CEP112: variants seen among roughly 807,000 people sequenced by gnomAD.
CEP112 encodes centrosomal protein 112.
Under a neutral mutation model 153.0 loss-of-function variants are expected in CEP112, and 127 were observed. The ratio of observed to expected loss-of-function variants is 0.83; its 90% confidence interval spans 0.72 to 0.96. The LOEUF is 0.96. Ranked by LOEUF, CEP112 falls within the 40% of genes least tolerant of loss-of-function variation. The probability of loss-of-function intolerance (pLI) is 0.00; values close to 1 mark genes in which losing one functional copy is unlikely to be tolerated. For synonymous variants in CEP112, 358 were observed against 374.4 expected (o/e 0.96, Z 0.51); for missense variants, 1,089 against 1,101.2 (o/e 0.99, Z 0.16).
At chr17:65,915,313 T>C (rs1332913557) in intron 19 of CEP112, among the ~76,000 whole-genome samples, 1 of 152,176 alleles carries the variant, frequency 6.6e-6, no homozygotes, top group Non-Finnish European at 1.5e-5. Flanking sequence ...TGACAAGTCC[T>C]GCCTGCAAAA....
chr17:66,146,760 G>A (rs373914035), intron 4 of CEP112, among the ~76,000 whole-genome samples: 1 of 151,992 alleles, frequency 6.6e-6, no homozygotes, highest in Non-Finnish European at 1.5e-5. Context: ...TAAGTTAAAC[G>A]GTATCTGTCT....
rs553857639 is a variant in CEP112 at position 65,875,826 on chromosome 17, G to T, written c.2164-23792C>A. On this transcript the variant is annotated intron_variant, in intron 20 of 26. Coordinates refer to ENST00000535342, the MANE Select transcript of CEP112 (RefSeq NM_001199165.4). ...TTAAAGTTGGAAACATTTATGTTGT[G>T]TCTGTAACCATGAGTATATTTTCTA... Among the ~76,000 whole-genome samples, 15 of 152,158 alleles carry T rather than the reference G, an allele frequency of 9.9e-5. No homozygotes were observed. In the South Asian group the frequency reaches 3.1e-3, roughly 32 times the overall value.
At chr17:66,132,894 C>T (rs78069175) in intron 4 of CEP112, 131 bp from the exon 5 acceptor site, 7,627 of 685,694 alleles carry the variant, frequency 0.011, 67 homozygotes, top group Non-Finnish European at 0.014. Flanking sequence ...GTTCCATAGC[C>T]GGGCGTGGTG....
intron 6 of CEP112, among the ~76,000 whole-genome samples, chr17:66,098,458 A>C (rs1222150748): frequency 6.6e-6 from 1 of 152,258 alleles, no homozygotes; most frequent in Non-Finnish European, 1.5e-5. Context: ...TATTACGGTT[A>C]ATAACTCTTG....
chr17:66,105,862 A>G (rs2068762068), intron 6 of CEP112, among the ~76,000 whole-genome samples: 1 of 152,196 alleles, frequency 6.6e-6, no homozygotes, highest in South Asian at 2.1e-4. Context: ...TCTCATCCAC[A>G]TATGGATTAT....
chr17:65,991,697 C>G (rs2063601187), intron 17 of CEP112, among the ~76,000 whole-genome samples: 1 of 152,070 alleles, frequency 6.6e-6, no homozygotes, highest in African/African-American at 2.4e-5. Flanking sequence ...GTTTACTATT[C>G]AAGTTTGCAG....
At chr17:65,687,359 G>T (rs142411525) in intron 24 of CEP112, among the ~76,000 whole-genome samples, 1,593 of 151,740 alleles carry the variant, frequency 0.01, 12 homozygotes, top group Middle Eastern at 0.079. Flanking sequence ...GAGAGACAGG[G>T]TTTCACCATG....
intron 4 of CEP112, among the ~76,000 whole-genome samples, chr17:66,170,574 G>T (rs1266968939): frequency 2.0e-5 from 3 of 152,058 alleles, no homozygotes; most frequent in Admixed American, 6.6e-5. Context: ...AGACCAGCCT[G>T]GCCAACATGG....
At chr17:66,065,970 A>T (rs1311791058) in intron 10 of CEP112, among the ~76,000 whole-genome samples, 1 of 152,172 alleles carries the variant, frequency 6.6e-6, no homozygotes, top group Non-Finnish European at 1.5e-5. Flanking sequence ...ATTCTAGCTA[A>T]ATAGTTGAGA....
chr17:65,764,608 T>C (rs1309910183), intron 21 of CEP112, among the ~76,000 whole-genome samples: 1 of 152,050 alleles, frequency 6.6e-6, no homozygotes, highest in African/African-American at 2.4e-5. Context: ...TTTTTTACCA[T>C]TTGTGTGCAA....
chr17:66,068,825 AATAG>A (rs2067211646), intron 9 of CEP112, among the ~76,000 whole-genome samples: 1 of 152,110 alleles, frequency 6.6e-6, no homozygotes, highest in Admixed American at 6.6e-5. Context: ...CTTATACATC[AATAG>A]ACTCTATTTC....
intron 21 of CEP112, 73 bp downstream of exon 21, chr17:65,851,731 A>C (rs2057938175): frequency 9.5e-7 from 1 of 1,054,256 alleles, no homozygotes; most frequent in African/African-American, 1.6e-5. Flanking sequence ...TGGAGATTAA[A>C]TATAAGGGTG....
chr17:65,875,683 A>G (rs545858067), intron 20 of CEP112, among the ~76,000 whole-genome samples: 1 of 152,136 alleles, frequency 6.6e-6, no homozygotes, highest in Non-Finnish European at 1.5e-5. Flanking sequence ...ATTATGTAGC[A>G]TCTTTTAATT....
intron 21 of CEP112, among the ~76,000 whole-genome samples, chr17:65,825,948 T>G (rs763943305): frequency 2.6e-5 from 4 of 152,182 alleles, no homozygotes; most frequent in Non-Finnish European, 4.4e-5. Flanking sequence ...TCCCAGGGCA[T>G]GCAGTCCAGC....
chr17:65,709,933 C>A (rs966161126), intron 23 of CEP112, among the ~76,000 whole-genome samples: 2 of 152,170 alleles, frequency 1.3e-5, no homozygotes, highest in African/African-American at 4.8e-5. Context: ...AGTAGTTCTG[C>A]TCTATCTACA....
chr17:66,024,950 G>A lies in CEP112; in HGVS notation c.1656+2551C>T, dbSNP rs1245490743. 6.6e-5 allele frequency among the ~76,000 whole-genome samples: 10 copies of A among 151,598 alleles called. 1 individual carries two copies. Among genetic ancestry groups the A allele is most frequent in the Non-Finnish European group, 1.5e-4 (10 of 67,620 alleles). On this transcript the variant is annotated intron_variant, in intron 16 of 26. Transcript: ENST00000535342. ...ATGGAACTGGCATAAAAATAGATCA[G>A]TAGAACAGAATACAGAACCCAGAAA...
At chr17:65,981,571 A>AT (rs34534960) in intron 17 of CEP112, among the ~76,000 whole-genome samples, 79,011 of 151,612 alleles carry the variant, frequency 0.52, 21,578 homozygotes, top group African/African-American at 0.6. Flanking sequence ...GTGGTTTTTG[A>AT]TTTTTTTGTT....
chr17:65,845,487 A>C (rs541947687), intron 21 of CEP112, among the ~76,000 whole-genome samples: 9 of 152,336 alleles, frequency 5.9e-5, no homozygotes, highest in African/African-American at 1.9e-4. Flanking sequence ...CAGCTAAGTT[A>C]GTATGGCTAT....
chr17:66,029,694 C>G (rs1006031365), intron 13 of CEP112, among the ~76,000 whole-genome samples, 175 bp downstream of exon 13: 1 of 144,034 alleles, frequency 6.9e-6, no homozygotes, highest in Non-Finnish European at 1.5e-5. Flanking sequence ...CAGACAGAGA[C>G]CCTGTCTCTA....
Sources: allele counts gnomAD v4.1 joint callset (sites outside exome capture counted in the v4.1 genomes callset), GRCh38; gene constraint gnomAD v4.1.1; transcripts MANE v1.5; gene names NCBI Gene and HGNC (gene_info 2026-07-23, HGNC 2026-07-21).